Variants in DLGAP1 observed in about 807,000 individuals in gnomAD.
DLGAP1 encodes DLG associated protein 1.
A neutral mutation model predicts 90.8 loss-of-function variants in DLGAP1; 11 were observed. The ratio of observed to expected loss-of-function variants is 0.12; its 90% confidence interval spans 0.08 to 0.20. The LOEUF is 0.20. Among genes scored for constraint, DLGAP1 ranks in the 10% least tolerant of loss-of-function variants. The pLI is 1.00. For missense variants in DLGAP1, 1,050 were observed against 1,333.8 expected (o/e 0.79, Z 3.31); for synonymous variants, 558 against 540.7 (o/e 1.03, Z -0.44).
intron 10 of DLGAP1, among the ~76,000 whole-genome samples, chr18:3,520,817 G>A (rs1489916657): frequency 2.0e-5 from 3 of 152,110 alleles, no homozygotes; most frequent in South Asian, 2.1e-4. Flanking sequence ...GCATGCCTTC[G>A]CTCTCGTATT....
In DLGAP1 at chr18:3,600,731, T is replaced by TCTATATAG. The variant is rs2056865749; in HGVS notation, c.1592-18484_1592-18483insCTATATAG. Among the ~76,000 whole-genome samples the TCTATATAG allele has an allele frequency of 5.8e-4, 22 of 37,778 alleles. 2 individuals are homozygous for TCTATATAG. Among genetic ancestry groups the TCTATATAG allele is most frequent in the African/African-American group, 1.6e-3 (11 of 6,950 alleles). 24.8% of individuals were successfully genotyped at this position (37,778 alleles called of 152,430 possible). ...AGCTATATAGATATAGAGATATAGATATATATAGATATATAGATATATATA... is the reference window on the plus strand; with the variant it reads ...AGCTATATAGATATAGAGATATAGATCTATATAGATATATAGATATATAGATATATATA... On this transcript the variant is annotated intron_variant, in intron 7 of 12. Transcript: ENST00000315677.
intron 9 of DLGAP1, among the ~76,000 whole-genome samples, chr18:3,567,056 T>TCATTCATTCATTCATC (rs2054471141): frequency 6.7e-6 from 1 of 150,240 alleles, no homozygotes; most frequent in Non-Finnish European, 1.5e-5. Flanking sequence ...ATTCATTCAT[T>TCATTCATTCATTCATC]CATTCATTCA....
intron 5 of DLGAP1, among the ~76,000 whole-genome samples, chr18:3,783,334 A>AT (rs1202492767): frequency 6.6e-6 from 1 of 152,240 alleles, no homozygotes; most frequent in Non-Finnish European, 1.5e-5. Flanking sequence ...ATATGCCCAC[A>AT]TAAAAACCTG....
chr18:3,785,710 T>C (rs1176168283), intron 5 of DLGAP1, among the ~76,000 whole-genome samples: 2 of 152,164 alleles, frequency 1.3e-5, no homozygotes, highest in Admixed American at 6.5e-5. Flanking sequence ...TTTTCTGAGA[T>C]AGCGAATGAG....
chr18:4,054,827 T>C (rs1224341670), intron 2 of DLGAP1, among the ~76,000 whole-genome samples: 1 of 152,240 alleles, frequency 6.6e-6, no homozygotes, highest in Admixed American at 6.5e-5. Context: ...AACATTTTCT[T>C]CAGTGTATAC....
At chr18:4,002,409 C>A (rs76445346) in intron 3 of DLGAP1, among the ~76,000 whole-genome samples, 3,033 of 151,976 alleles carry the variant, frequency 0.02, 37 homozygotes, top group South Asian at 0.049. Flanking sequence ...GCTGCCACCC[C>A]GAGACAGCAA....
chr18:4,054,214 G>C (rs1309070279), intron 2 of DLGAP1, among the ~76,000 whole-genome samples: 4 of 152,172 alleles, frequency 2.6e-5, no homozygotes, highest in Non-Finnish European at 5.9e-5. Flanking sequence ...GTAGCATTAT[G>C]AACTTGTCAC....
intron 3 of DLGAP1, among the ~76,000 whole-genome samples, chr18:3,945,929 T>A (rs982309097): frequency 6.6e-6 from 1 of 152,200 alleles, no homozygotes; most frequent in African/African-American, 2.4e-5. Context: ...AATCTGTCGA[T>A]GAAAATTATT....
intron 3 of DLGAP1, among the ~76,000 whole-genome samples, chr18:3,973,839 GA>G (rs1452838361): frequency 6.6e-6 from 1 of 152,126 alleles, no homozygotes; most frequent in African/African-American, 2.4e-5. Context: ...GAACAATGAG[GA>G]TATGTTCTGA....
chr18:4,286,173 T>A (rs2079685192), intron 1 of DLGAP1, among the ~76,000 whole-genome samples: 1 of 151,964 alleles, frequency 6.6e-6, no homozygotes, highest in African/African-American at 2.4e-5. Flanking sequence ...AAAGGAAGGA[T>A]GAAGAAATGA....
chr18:3,934,497 TAAG>T (rs1424711281), intron 3 of DLGAP1, among the ~76,000 whole-genome samples: 3 of 152,030 alleles, frequency 2.0e-5, no homozygotes, highest in African/African-American at 7.3e-5. Flanking sequence ...GGCAGGGAGA[TAAG>T]AAGAGTGGCA....
chr18:3,534,599 G>T lies in DLGAP1; in HGVS notation c.2074C>A (p.Arg692=), dbSNP rs1599102911. Residue 692 remains arginine (R), a synonymous_variant, in exon 10 of 13, where the codon CGA becomes AGA. Coordinates refer to ENST00000315677, the MANE Select transcript of DLGAP1 (RefSeq NM_004746.4). The part of the protein sequence containing the change: ...EEEKCFRRFT[R]SNSVTTAVQA... The stretch of plus-strand genomic sequence containing the variant: ...ACTGCTGTCGTCACACTGTTGGATC[G>T]AGTGAACCTGCGGAAGCTTGGGAGA... The T allele has an allele frequency of 1.9e-6, 3 of 1,573,094 alleles. No homozygotes were observed. Among genetic ancestry groups the T allele is most frequent in the Non-Finnish European group, 2.6e-6 (3 of 1,159,336 alleles).
chr18:3,861,229 T>C (rs999296664), intron 4 of DLGAP1, among the ~76,000 whole-genome samples: 3 of 152,216 alleles, frequency 2.0e-5, no homozygotes, highest in South Asian at 2.1e-4. Flanking sequence ...CAAATTCCAA[T>C]AGAGGATCTG....
intron 6 of DLGAP1, among the ~76,000 whole-genome samples, chr18:3,734,981 T>C (rs1219834492): frequency 6.6e-6 from 1 of 152,168 alleles, no homozygotes; most frequent in Admixed American, 6.5e-5. Context: ...CACAATACTA[T>C]CTATATATTC....
intron 5 of DLGAP1, among the ~76,000 whole-genome samples, chr18:3,812,572 G>A (rs1354544347): frequency 6.6e-6 from 1 of 152,086 alleles, no homozygotes; most frequent in Non-Finnish European, 1.5e-5. Context: ...TAGTAATAAA[G>A]GCAAAGAGGA....
chr18:3,569,785 T>C (rs988401128), intron 8 of DLGAP1, among the ~76,000 whole-genome samples: 3 of 152,018 alleles, frequency 2.0e-5, no homozygotes, highest in Non-Finnish European at 4.4e-5. Flanking sequence ...CTTTATCTGA[T>C]ACCAAACTTT....
intron 2 of DLGAP1, among the ~76,000 whole-genome samples, chr18:4,088,854 G>A (rs1490778645): frequency 1.3e-5 from 2 of 152,124 alleles, no homozygotes; most frequent in African/African-American, 2.4e-5. Flanking sequence ...CATACTGAAT[G>A]GGCAAAAGCT....
At chr18:3,771,904 A>C (rs1245272174) in intron 5 of DLGAP1, among the ~76,000 whole-genome samples, 2 of 151,942 alleles carry the variant, frequency 1.3e-5, no homozygotes, top group Non-Finnish European at 2.9e-5. Context: ...TCTAACGCTG[A>C]AAGAACATTC....
At chr18:4,167,528 C>T (rs558248536) in intron 1 of DLGAP1, among the ~76,000 whole-genome samples, 80 of 152,238 alleles carry the variant, frequency 5.3e-4, no homozygotes, top group Non-Finnish European at 8.8e-4. Flanking sequence ...TGCCACTATC[C>T]TATATGTGAA....
Sources: allele counts gnomAD v4.1 joint callset (sites outside exome capture counted in the v4.1 genomes callset), GRCh38; gene constraint gnomAD v4.1.1; transcripts MANE v1.5; gene names NCBI Gene and HGNC (gene_info 2026-07-23, HGNC 2026-07-21).